BMP6: variants seen among roughly 807,000 people sequenced by gnomAD.
BMP6 encodes the protein bone morphogenetic protein 6, also known as VG-1-R.
A neutral mutation model predicts 54.1 loss-of-function variants in BMP6; 17 were observed. The ratio of observed to expected loss-of-function variants is 0.31; its 90% CI spans 0.22 to 0.47. The LOEUF (loss-of-function observed/expected upper bound fraction) is 0.47, where lower values mean the gene tolerates loss of function less well. BMP6 is among the 20% of genes least tolerant of loss of function. The probability of loss-of-function intolerance (pLI) is 1.00; values close to 1 mark genes in which losing one functional copy is unlikely to be tolerated. For synonymous variants in BMP6, 328 were observed against 291.2 expected, an observed-to-expected ratio of 1.13 and a Z score of -1.28; for missense variants, 720 against 690.4, an observed-to-expected ratio of 1.04 and a Z score of -0.48.
At chr6:7,735,538 T>G (rs979560713) in intron 1 of BMP6, among the ~76,000 whole-genome samples, 6 of 152,226 alleles carry the variant, frequency 3.9e-5, no homozygotes, top group African/African-American at 1.4e-4. Context: ...TAGACTCCCA[T>G]ATCGGAATAA....
At chr6:7,739,784 T>C (rs535616836) in intron 1 of BMP6, among the ~76,000 whole-genome samples, 2 of 152,312 alleles carry the variant, frequency 1.3e-5, no homozygotes, top group African/African-American at 4.8e-5. Flanking sequence ...AAGTGTTTCG[T>C]TGAAGGCAGC....
chr6:7,872,182 C>T (rs1277207323), intron 4 of BMP6, among the ~76,000 whole-genome samples: 1 of 152,034 alleles, frequency 6.6e-6, no homozygotes, highest in Non-Finnish European at 1.5e-5. Flanking sequence ...GTTGAATTGT[C>T]ACCACATACA....
intron 1 of BMP6, among the ~76,000 whole-genome samples, chr6:7,804,738 C>G (rs779149446): frequency 1.3e-5 from 2 of 152,186 alleles, no homozygotes; most frequent in East Asian, 3.8e-4. Context: ...AGCTTCTATT[C>G]TAAACACAAG....
Position 7,776,677 on chromosome 6 carries a change from GTCTTGCTC to G in BMP6, c.664+49060_664+49067del, listed in dbSNP as rs1348242562. Among the ~76,000 whole-genome samples, 3 of 152,204 alleles carry G rather than the reference GTCTTGCTC, an allele frequency of 2.0e-5. No homozygotes were observed. The East Asian group carries it at 5.8e-4, about 29-fold the overall frequency. On this transcript the variant is annotated intron_variant, in intron 1 of 6. Coordinates refer to ENST00000283147, the MANE Select transcript of BMP6 (RefSeq NM_001718.6). ...CTTGTGTTTGTGTGTAAGAGACAGG[GTCTTGCTC>G]TATCACCTAGGCTTGAGTGCAGTGG...
At chr6:7,734,257 A>G (rs1017220658) in intron 1 of BMP6, among the ~76,000 whole-genome samples, 2 of 152,208 alleles carry the variant, frequency 1.3e-5, no homozygotes, top group African/African-American at 4.8e-5. Flanking sequence ...TGGTGAATGT[A>G]TGTTCGCCAT....
chr6:7,791,272 C>T (rs942330783), intron 1 of BMP6, among the ~76,000 whole-genome samples: 18 of 152,180 alleles, frequency 1.2e-4, no homozygotes, highest in African/African-American at 4.3e-4. Flanking sequence ...CGACTTTGGA[C>T]GATCCTAAAG....
chr6:7,743,944 C>G (rs1410271495), intron 1 of BMP6, among the ~76,000 whole-genome samples: 1 of 152,184 alleles, frequency 6.6e-6, no homozygotes, highest in African/African-American at 2.4e-5. Flanking sequence ...GATTTACTTC[C>G]ACACCTTTTT....
intron 1 of BMP6, among the ~76,000 whole-genome samples, chr6:7,837,200 C>T (rs1431305147): frequency 6.6e-6 from 1 of 151,976 alleles, no homozygotes; most frequent in Non-Finnish European, 1.5e-5. Flanking sequence ...TCTGTTGTTC[C>T]CCTTTTTATT....
intron 1 of BMP6, among the ~76,000 whole-genome samples, chr6:7,821,869 G>A (rs267808): frequency 0.52 from 79,487 of 152,102 alleles, 22,047 homozygotes; most frequent in East Asian, 0.73. Context: ...GGTCTATACA[G>A]AGGGACTTTG....
intron 1 of BMP6, among the ~76,000 whole-genome samples, chr6:7,804,066 A>C (rs1356711625): frequency 6.6e-6 from 1 of 152,210 alleles, no homozygotes; most frequent in Admixed American, 6.5e-5. Context: ...AAATGAGAGG[A>C]AAATGTGCAG....
At chr6:7,729,319 A>ACCCCCCGCCCC (rs1761809277) in intron 1 of BMP6, among the ~76,000 whole-genome samples, 3 of 112,214 alleles carry the variant, frequency 2.7e-5, no homozygotes, top group Non-Finnish European at 5.7e-5. Context: ...TTCCACCCTC[A>ACCCCCCGCCCC]CCCCCCGCCC....
At chr6:7,876,228 G>C (rs186647253) in intron 4 of BMP6, among the ~76,000 whole-genome samples, 168 of 152,228 alleles carry the variant, frequency 1.1e-3, no homozygotes, top group Non-Finnish European at 2.0e-3. Context: ...TTTTTGTTAA[G>C]TTTGCTATCC....
intron 1 of BMP6, among the ~76,000 whole-genome samples, chr6:7,815,716 A>G (rs1390000981): frequency 2.0e-5 from 3 of 152,262 alleles, no homozygotes. Flanking sequence ...TAAAAAATAG[A>G]GAACACACAC....
intron 4 of BMP6, among the ~76,000 whole-genome samples, chr6:7,869,233 C>A (rs985517407): frequency 6.6e-6 from 1 of 152,230 alleles, no homozygotes; most frequent in Non-Finnish European, 1.5e-5. Context: ...CTCTGGGTCT[C>A]ATACCTATGG....
At chr6:7,797,869 A>G (rs1370259559) in intron 1 of BMP6, among the ~76,000 whole-genome samples, 1 of 152,194 alleles carries the variant, frequency 6.6e-6, no homozygotes, top group East Asian at 1.9e-4. Context: ...TTACTAAACA[A>G]TCTTATCTGG....
At chr6:7,748,553 A>C (rs1561758781) in intron 1 of BMP6, among the ~76,000 whole-genome samples, 1 of 152,188 alleles carries the variant, frequency 6.6e-6, no homozygotes, top group Non-Finnish European at 1.5e-5. Context: ...GAAACCTACG[A>C]GGCTGAAGCA....
chr6:7,863,086 C>T (rs1759362728), intron 4 of BMP6, among the ~76,000 whole-genome samples: 1 of 152,130 alleles, frequency 6.6e-6, no homozygotes, highest in Admixed American at 6.5e-5. Flanking sequence ...GCAAGCTCCG[C>T]CTCCTGGGTT....
At chr6:7,797,652 A>G (rs1480783484) in intron 1 of BMP6, among the ~76,000 whole-genome samples, 4 of 152,172 alleles carry the variant, frequency 2.6e-5, no homozygotes, top group Non-Finnish European at 5.9e-5. Flanking sequence ...TATTTTTCTC[A>G]GTGGGTCTGT....
intron 1 of BMP6, among the ~76,000 whole-genome samples, chr6:7,761,441 T>C (rs558972346): frequency 4.6e-5 from 7 of 152,340 alleles, no homozygotes; most frequent in African/African-American, 1.7e-4. Context: ...TCTTGTAAGA[T>C]TGAGAAGGAC....
Sources: allele counts gnomAD v4.1 joint callset (sites outside exome capture counted in the v4.1 genomes callset), GRCh38; gene constraint gnomAD v4.1.1; transcripts MANE v1.5; gene names NCBI Gene and HGNC (gene_info 2026-07-23, HGNC 2026-07-21).